RHOD: variants seen among roughly 807,000 people sequenced by gnomAD.
RHOD encodes the protein rho-related GTP-binding protein RhoD.
RHOD carries 11 observed loss-of-function variants against 16.7 expected under a neutral mutation model. The observed-to-expected ratio is 0.66, with a 90% CI of 0.41 to 1.09. The LOEUF is 1.09. Among genes scored for constraint, RHOD ranks in the 50% least tolerant of loss-of-function variants. The probability of loss-of-function intolerance (pLI) is 0.00; values close to 1 mark genes in which losing one functional copy is unlikely to be tolerated. For synonymous variants in RHOD, 124 were observed against 126.3 expected, an observed-to-expected ratio of 0.98 and a Z score of 0.12; for missense variants, 271 against 291.7, an observed-to-expected ratio of 0.93 and a Z score of 0.52.
intron 1 of RHOD, among the ~76,000 whole-genome samples, chr11:67,061,820 A>ATG (rs372226128): frequency 2.4e-3 from 310 of 127,068 alleles, no homozygotes; most frequent in Middle Eastern, 7.8e-3. Context: ...GTATATATAT[A>ATG]TGTGTGTGTG....
chr11:67,071,458 G>T lies in RHOD; in HGVS notation c.489G>T (p.Val163=), dbSNP rs1224679179. The T allele has an allele frequency of 1.3e-6, 2 of 1,599,096 alleles. No individual in the cohort carries two copies. Among genetic ancestry groups the T allele is most frequent in the Non-Finnish European group, 8.5e-7 (1 of 1,173,470 alleles). Residue 163 remains valine (V), a synonymous_variant, in exon 5 of 5, where the codon GTG becomes GTT. Coordinates refer to ENST00000308831, the MANE Select transcript of RHOD (RefSeq NM_014578.4). Reference sequence around the variant, plus strand: ...AGGGCCAGGAGATGGCGAGGTCCGTGGGCGCGGTGGCCTACCTCGAGTGCT... The same window carrying T: ...AGGGCCAGGAGATGGCGAGGTCCGTTGGCGCGGTGGCCTACCTCGAGTGCT... ...YHRGQEMARS[V]GAVAYLECSA... is the part of the protein sequence containing the mutation.
intron 3 of RHOD, among the ~76,000 whole-genome samples, chr11:67,068,494 G>A (rs1854986903): frequency 6.6e-6 from 1 of 152,120 alleles, no homozygotes; most frequent in African/African-American, 2.4e-5. Context: ...GTTATCGAGG[G>A]ATCAGTAGGA....
At chr11:67,071,409 G>A (rs1046951619) in intron 4 of RHOD, 26 bp from the exon 5 acceptor site, 4 of 1,559,660 alleles carry the variant, frequency 2.6e-6, no homozygotes, top group East Asian at 2.3e-5. Context: ...CCCCTTCACC[G>A]CAGCCCCATC....
chr11:67,060,579 G>A lies in RHOD; in HGVS notation c.132+3545G>A, dbSNP rs139166092. Among the ~76,000 whole-genome samples the A allele has an allele frequency of 1.2e-4, 18 of 152,366 alleles. No homozygotes were observed. In the East Asian group the frequency reaches 3.3e-3, roughly 28 times the overall value. Reference sequence around the variant, plus strand: ...GTAACCTCAGGAAAGGCAGGTGGCTGAGGACAAGGCCTGGTCTCTGCAGCC... The same window carrying A: ...GTAACCTCAGGAAAGGCAGGTGGCTAAGGACAAGGCCTGGTCTCTGCAGCC... On this transcript the variant is annotated intron_variant, in intron 1 of 4. Transcript: ENST00000308831.
chr11:67,060,496 G>A (rs1854872936), intron 1 of RHOD, among the ~76,000 whole-genome samples: 1 of 152,208 alleles, frequency 6.6e-6, no homozygotes, highest in African/African-American at 2.4e-5. Flanking sequence ...AAAGGGCTGT[G>A]ACAGTTACAA....
At chr11:67,057,151 G>A (rs908391741) in intron 1 of RHOD, 117 bp downstream of exon 1, 73 of 1,232,982 alleles carry the variant, frequency 5.9e-5, no homozygotes, top group Non-Finnish European at 7.2e-5. Context: ...TGTCCCAGCG[G>A]GGCCTGGGGT....
rs180863341 is a variant in RHOD at position 67,061,020 on chromosome 11, G to A, written c.132+3986G>A. 1.2e-3 allele frequency among the ~76,000 whole-genome samples: 182 copies of A among 152,326 alleles called. 2 individuals are homozygous for A. The highest frequency in any genetic ancestry group is 4.9e-4 in the Non-Finnish European group (33 of 68,030). On this transcript the variant is annotated intron_variant, in intron 1 of 4. Transcript: ENST00000308831. Reference sequence around the variant, plus strand: ...TTCACATTGCTATAAAGAACTACCCGAGACTGGGTAATTTATAAAGAAAAG... The same window carrying A: ...TTCACATTGCTATAAAGAACTACCCAAGACTGGGTAATTTATAAAGAAAAG...
chr11:67,069,245 T>A (rs1220815798), intron 3 of RHOD, among the ~76,000 whole-genome samples: 1 of 152,208 alleles, frequency 6.6e-6, no homozygotes, highest in African/African-American at 2.4e-5. Flanking sequence ...CCAGCTGTAG[T>A]CCAGGCTGAA....
chr11:67,069,045 G>A (rs1044054679), intron 3 of RHOD, among the ~76,000 whole-genome samples: 10 of 150,992 alleles, frequency 6.6e-5, no homozygotes, highest in African/African-American at 2.4e-4. Flanking sequence ...TGGGCTCACT[G>A]CAACCTCCAC....
chr11:67,071,712 C>G lies in RHOD; in HGVS notation c.*110C>G. The stretch of plus-strand genomic sequence containing the variant: ...CTGTGACCGCCGAACTCCACTGCAA[C>G]AGACGGGCGCCACCAAAGCCAGGCC... On this transcript the variant is annotated 3_prime_UTR_variant, in exon 5 of 5. Coordinates refer to ENST00000308831, the MANE Select transcript of RHOD (RefSeq NM_014578.4). 1 of 1,170,030 alleles carries G rather than the reference C, an allele frequency of 8.5e-7. No individual in the cohort carries two copies. The highest frequency in any genetic ancestry group is 1.2e-6 in the Non-Finnish European group (1 of 857,890). The allele number at this position is 1,170,030 out of a possible 1,614,324, so 72.5% of individuals were successfully genotyped here.
chr11:67,058,330 C>T (rs982360688), intron 1 of RHOD, among the ~76,000 whole-genome samples: 4 of 152,188 alleles, frequency 2.6e-5, no homozygotes, highest in South Asian at 2.1e-4. Flanking sequence ...CGCGTGCCAC[C>T]GTGCCCAGCT....
chr11:67,070,873 C>T (rs1258859211), intron 4 of RHOD, among the ~76,000 whole-genome samples: 1 of 152,140 alleles, frequency 6.6e-6, no homozygotes, highest in African/African-American at 2.4e-5. Context: ...TGCTACACGT[C>T]TGGGTTCATG....
At chr11:67,061,253 T>C (rs1163925914) in intron 1 of RHOD, among the ~76,000 whole-genome samples, 1 of 152,002 alleles carries the variant, frequency 6.6e-6, no homozygotes, top group East Asian at 1.9e-4. Context: ...TAATCCCTGC[T>C]CTTTGGGAGG....
Position 67,071,473 on chromosome 11 carries a change from C to A in RHOD, c.504C>A (p.Tyr168Ter). Residue 168 changes from tyrosine (Y) to a stop codon, truncating the protein, a stop_gained, in exon 5 of 5, where the codon TAC becomes TAA. Transcript: ENST00000308831. LOFTEE classifies it low-confidence loss of function (END_TRUNC). ...CGAGGTCCGTGGGCGCGGTGGCCTA[C>A]CTCGAGTGCTCGGCTCGGCTCCATG... ...EMARSVGAVA[Y>*]LECSARLHDN... 1 of 1,606,564 alleles carries A rather than the reference C, an allele frequency of 6.2e-7. No individual in the cohort carries two copies.
At chr11:67,061,856 T>A (rs1235629838) in intron 1 of RHOD, among the ~76,000 whole-genome samples, 2 of 142,252 alleles carry the variant, frequency 1.4e-5, no homozygotes, top group African/African-American at 5.2e-5. Flanking sequence ...ATATATATAT[T>A]AGCCAGGCGT....
In RHOD at chr11:67,056,878, C is replaced by G; in HGVS notation, c.-25C>G. The stretch of plus-strand genomic sequence containing the variant: ...GGTCTCTGCGCCGCAGCCGCCCGCC[C>G]GCCCGCTCAGCGCCCGGCCCCGGGA... On this transcript the variant is annotated 5_prime_UTR_variant, in exon 1 of 5. Transcript: ENST00000308831. The G allele has an allele frequency of 7.3e-7, 1 of 1,372,842 alleles. No homozygotes were observed. Among genetic ancestry groups the G allele is most frequent in the Non-Finnish European group, 9.3e-7 (1 of 1,074,690 alleles). 85.0% of individuals were successfully genotyped at this position (1,372,842 alleles called of 1,614,324 possible). A position where few individuals can be genotyped will look rare whatever the true frequency, so the allele number is the denominator to read the frequency against.
At chr11:67,057,642 G>A (rs1565349933) in intron 1 of RHOD, among the ~76,000 whole-genome samples, 1 of 152,236 alleles carries the variant, frequency 6.6e-6, no homozygotes, top group Non-Finnish European at 1.5e-5. Flanking sequence ...GAGGGTGGGA[G>A]CACGCCAGCT....
intron 1 of RHOD, among the ~76,000 whole-genome samples, chr11:67,061,026 G>A (rs144193867): frequency 1.1e-4 from 17 of 152,342 alleles, no homozygotes; most frequent in African/African-American, 3.8e-4. Context: ...ACCCGAGACT[G>A]GGTAATTTAT....
intron 1 of RHOD, among the ~76,000 whole-genome samples, chr11:67,060,386 C>T (rs535601087): frequency 7.2e-5 from 11 of 152,334 alleles, no homozygotes; most frequent in African/African-American, 2.6e-4. Flanking sequence ...AAATTAGGTG[C>T]CATTGATCCC....
Sources: allele counts gnomAD v4.1 joint callset (sites outside exome capture counted in the v4.1 genomes callset), GRCh38; gene constraint gnomAD v4.1.1; transcripts MANE v1.5; gene names NCBI Gene and HGNC (gene_info 2026-07-23, HGNC 2026-07-21).